The following PCBP3 variants were observed in gnomAD, a reference collection of about 807,000 sequenced individuals.
PCBP3 encodes the protein poly(rC) binding protein 3, also known as poly(rC)-binding protein 3.
PCBP3 carries 25 observed loss-of-function variants against 52.7 expected under a neutral mutation model. The ratio of observed to expected loss-of-function variants is 0.47; its 90% CI spans 0.35 to 0.66. The LOEUF is 0.66. PCBP3 is among the 30% of genes least tolerant of loss of function. The pLI is 0.01. For missense variants in PCBP3, 391 were observed against 490.3 expected (o/e 0.80, Z 1.91); for synonymous variants, 162 against 183.0 (o/e 0.89, Z 0.93).
At chr21:45,936,396 A>G (rs2076895775) in intron 16 of PCBP3, among the ~76,000 whole-genome samples, 1 of 152,170 alleles carries the variant, frequency 6.6e-6, no homozygotes, top group Non-Finnish European at 1.5e-5. Flanking sequence ...CAGAGTCCCC[A>G]TGTCTGCTAA....
At chr21:45,839,524 A>T (rs1352308281) in intron 4 of PCBP3, among the ~76,000 whole-genome samples, 1 of 152,186 alleles carries the variant, frequency 6.6e-6, no homozygotes, top group East Asian at 1.9e-4. Flanking sequence ...TTGTGGAGTC[A>T]TATCTTTTTA....
At chr21:45,686,321 A>G in intron 2 of PCBP3, among the ~76,000 whole-genome samples, 1 of 152,202 alleles carries the variant, frequency 6.6e-6, no homozygotes, top group East Asian at 1.9e-4. Context: ...CAATCAGTAG[A>G]GGTAACGGAA....
intron 2 of PCBP3, among the ~76,000 whole-genome samples, chr21:45,721,607 AAAGACACCAG>A (rs1569150998): frequency 6.6e-6 from 1 of 152,190 alleles, no homozygotes; most frequent in Non-Finnish European, 1.5e-5. Context: ...TTCTAATATT[AAAGACACCAG>A]AATTTCTTAT....
rs1603503134 is a variant in PCBP3, at chr21:45,917,491, T to C, written c.676-97T>C. On this transcript the variant is annotated intron_variant, in intron 12 of 17. Transcript: ENST00000681687. The surrounding 1 kb of genome is among the most constrained non-coding windows in gnomAD (Gnocchi z 5.3). Reference sequence around the variant, plus strand: ...TGGAGAGGCACACGAGGGGGAAGCTTCTACCGGAGGGTCCTTGTCATGCTG... The same window carrying C: ...TGGAGAGGCACACGAGGGGGAAGCTCCTACCGGAGGGTCCTTGTCATGCTG... 2.2e-6 allele frequency: 2 copies of C among 920,288 alleles called. No homozygotes were observed. Among genetic ancestry groups the C allele is most frequent in the East Asian group, 4.8e-5 (2 of 41,486 alleles). The allele number at this position is 920,288 out of a possible 1,614,324, so 57.0% of individuals were successfully genotyped here.
rs112362411 is a variant in PCBP3 at position 45,886,923 on chromosome 21, G to A, written c.11-9285G>A. On this transcript the variant is annotated intron_variant, in intron 5 of 17. Coordinates refer to ENST00000681687, the MANE Select transcript of PCBP3 (RefSeq NM_001384156.1). ...GGGCGGAGGTCTAGGCTCTGTACGCGGCCTTTGCTGCGTGGGTGGGGAGGG... is the reference window on the plus strand; with the variant it reads ...GGGCGGAGGTCTAGGCTCTGTACGCAGCCTTTGCTGCGTGGGTGGGGAGGG... Among the ~76,000 whole-genome samples the A allele has an allele frequency of 8.1e-3, 1,234 of 152,292 alleles. 17 individuals carry two copies. Among genetic ancestry groups the A allele is most frequent in the African/African-American group, 0.028 (1,182 of 41,562 alleles).
At chr21:45,667,423 G>A (rs561880253) in intron 1 of PCBP3, among the ~76,000 whole-genome samples, 9 of 151,968 alleles carry the variant, frequency 5.9e-5, no homozygotes, top group Non-Finnish European at 1.2e-4. Flanking sequence ...CTATCATCAA[G>A]CTTACTGATT....
chr21:45,834,633 A>G (rs1168950865), intron 4 of PCBP3, among the ~76,000 whole-genome samples: 2 of 152,228 alleles, frequency 1.3e-5, no homozygotes, highest in African/African-American at 4.8e-5. Flanking sequence ...AGCGCCTCAG[A>G]GGCAGCAGCA....
chr21:45,920,244 G>A (rs772297290), intron 13 of PCBP3, among the ~76,000 whole-genome samples: 4 of 152,158 alleles, frequency 2.6e-5, no homozygotes, highest in East Asian at 1.9e-4. Context: ...AGAGCCTAAC[G>A]TTCTCACTGT....
chr21:45,813,564 C>A (rs1439336232), intron 4 of PCBP3, among the ~76,000 whole-genome samples: 1 of 152,186 alleles, frequency 6.6e-6, no homozygotes, highest in African/African-American at 2.4e-5. Flanking sequence ...GCCTCAGCCT[C>A]CTGAGGAGCT....
At chr21:45,825,416 C>T (rs1444576562) in intron 4 of PCBP3, among the ~76,000 whole-genome samples, 2 of 152,080 alleles carry the variant, frequency 1.3e-5, no homozygotes, top group Non-Finnish European at 2.9e-5. Context: ...AGCCCAGGAC[C>T]TGAGCGCTCA....
At chr21:45,745,254 G>A (rs1018795165) in intron 3 of PCBP3, among the ~76,000 whole-genome samples, 1 of 152,204 alleles carries the variant, frequency 6.6e-6, no homozygotes, top group Non-Finnish European at 1.5e-5. Context: ...AGGGGACGGT[G>A]TGGGGCATAC....
chr21:45,726,093 G>A (rs1283377279), intron 2 of PCBP3, among the ~76,000 whole-genome samples: 4 of 152,082 alleles, frequency 2.6e-5, no homozygotes, highest in Non-Finnish European at 4.4e-5. Context: ...GATGTGGTGC[G>A]TGCCGAGGCT....
rs1204083451 is a variant in PCBP3, at chr21:45,741,366, C to T, written c.-162+5937C>T. Reference sequence around the variant, plus strand: ...GAGCTGCAGCATCAGGTGTGGGTACCAGGTGCACAGCCAGCGAGGGGAGTC... The same window carrying T: ...GAGCTGCAGCATCAGGTGTGGGTACTAGGTGCACAGCCAGCGAGGGGAGTC... On this transcript the variant is annotated intron_variant, in intron 3 of 17. Coordinates refer to ENST00000681687, the MANE Select transcript of PCBP3 (RefSeq NM_001384156.1). The surrounding 1 kb of genome is among the most constrained non-coding windows in gnomAD (Gnocchi z 4.5). Among the ~76,000 whole-genome samples the T allele has an allele frequency of 6.6e-6, 1 of 152,084 alleles. No individual in the cohort carries two copies. The highest frequency in any genetic ancestry group is 1.9e-4 in the East Asian group (1 of 5,190).
At chr21:45,705,090 C>T (rs533273589) in intron 2 of PCBP3, among the ~76,000 whole-genome samples, 2 of 152,304 alleles carry the variant, frequency 1.3e-5, no homozygotes, top group South Asian at 4.1e-4. Flanking sequence ...GCCCTTGCAG[C>T]CTCTTTTCAG....
intron 4 of PCBP3, among the ~76,000 whole-genome samples, chr21:45,769,408 G>T (rs997672094): frequency 6.6e-6 from 1 of 152,252 alleles, no homozygotes; most frequent in Admixed American, 6.5e-5. Context: ...CTCACGCAGG[G>T]CTGTCTGCTG....
intron 4 of PCBP3, among the ~76,000 whole-genome samples, chr21:45,814,752 AGTGAGTG>A (rs1202276387): frequency 0.017 from 1,482 of 88,002 alleles, 36 homozygotes; most frequent in Non-Finnish European, 0.025. Flanking sequence ...GTGAGTGATG[AGTGAGTG>A]GTGAGTGGTG....
chr21:45,865,337 C>T (rs894896647), intron 5 of PCBP3, among the ~76,000 whole-genome samples: 6 of 152,190 alleles, frequency 3.9e-5, no homozygotes, highest in African/African-American at 9.7e-5. Flanking sequence ...CACCCCCAGT[C>T]GCCTTTAGGG....
chr21:45,936,233 A>T (rs1246226423), intron 16 of PCBP3, among the ~76,000 whole-genome samples: 1 of 152,208 alleles, frequency 6.6e-6, no homozygotes, highest in Admixed American at 6.5e-5. Context: ...GGAGCAGGAG[A>T]AAAAGAGGCA....
At chr21:45,808,360 C>G (rs1200662938) in intron 4 of PCBP3, among the ~76,000 whole-genome samples, 1 of 151,868 alleles carries the variant, frequency 6.6e-6, no homozygotes, top group Non-Finnish European at 1.5e-5. Context: ...AAAAAACAAC[C>G]CCATCAAAAA....
Sources: allele counts gnomAD v4.1 joint callset (sites outside exome capture counted in the v4.1 genomes callset), GRCh38; gene constraint gnomAD v4.1.1; non-coding constraint Gnocchi (gnomAD v3.1); transcripts MANE v1.5; gene names NCBI Gene and HGNC (gene_info 2026-07-23, HGNC 2026-07-21).